SMNDC1: variants seen among roughly 807,000 people sequenced by gnomAD.
SMNDC1 encodes survival motor neuron domain containing 1.
SMNDC1 carries 5 observed loss-of-function variants against 29.2 expected under a neutral mutation model. That is an observed-to-expected ratio of 0.17 (90% confidence interval 0.09 to 0.36). SMNDC1 has a LOEUF of 0.36. Among genes scored for constraint, SMNDC1 ranks in the 10% least tolerant of loss-of-function variants. SMNDC1 has a pLI of 1.00. For synonymous variants in SMNDC1, 80 were observed against 89.9 expected (o/e 0.89, Z 0.62); for missense variants, 142 against 268.5 (o/e 0.53, Z 3.29).
intron 5 of SMNDC1, 109 bp from the exon 6 acceptor site, chr10:110,294,396 A>G: frequency 1.1e-6 from 1 of 914,812 alleles, no homozygotes; most frequent in East Asian, 3.0e-5. Flanking sequence ...TTAAAAGAAG[A>G]AAAACATATT....
At chr10:110,298,954 T>C (rs1487932911) in intron 2 of SMNDC1, 164 bp from the exon 3 acceptor site, 4 of 552,868 alleles carry the variant, frequency 7.2e-6, no homozygotes, top group Non-Finnish European at 1.3e-5. Flanking sequence ...ATGTAGAAAC[T>C]GATACAGTAT....
chr10:110,298,828 TA>T (rs1215658325), intron 2 of SMNDC1, 38 bp from the exon 3 acceptor site: 1 of 1,505,722 alleles, frequency 6.6e-7, no homozygotes, highest in African/African-American at 1.4e-5. Flanking sequence ...ATTATTTTTA[TA>T]ATTCTCATTG....
In SMNDC1 at chr10:110,303,645, AAACT is replaced by A. The variant is rs1053068842; in HGVS notation, c.1-62_1-59del. 2.0e-6 allele frequency: 3 copies of A among 1,520,952 alleles called. No individual in the cohort carries two copies. In the African/African-American group the frequency reaches 4.3e-5, roughly 22 times the overall value. 94.2% of individuals were successfully genotyped at this position (1,520,952 alleles called of 1,614,324 possible). ...ACTAAACCAAAAATCAAGGCATAAA[AAACT>A]AACTCCCCTGTCTGCCTGAATTACC... On this transcript the variant is annotated intron_variant, in intron 1 of 5. Coordinates refer to ENST00000369603, the MANE Select transcript of SMNDC1 (RefSeq NM_005871.4).
At chr10:110,304,145 A>G (rs1170525891) in intron 1 of SMNDC1, 1 of 152,322 alleles carries the variant, frequency 6.6e-6, no homozygotes, top group Non-Finnish European at 1.5e-5. Flanking sequence ...TCTTCAGCAA[A>G]AAGAACAGCA....
At position 110,291,860 on chromosome 10, in the gene SMNDC1, A is replaced by G; in HGVS notation, c.*2290T>C. Reference sequence around the variant, plus strand: ...AGGTTAGGACTGTTCTTTCCTTGAAATGGTAACAACAGTCAAACGTCAAGC... The same window carrying G: ...AGGTTAGGACTGTTCTTTCCTTGAAGTGGTAACAACAGTCAAACGTCAAGC... On this transcript the variant is annotated 3_prime_UTR_variant, in exon 6 of 6. Transcript: ENST00000369603. The G allele has an allele frequency of 6.6e-6, 1 of 152,196 alleles. No individual in the cohort carries two copies. Among genetic ancestry groups the G allele is most frequent in the East Asian group, 1.9e-4 (1 of 5,206 alleles). 9.4% of individuals were successfully genotyped at this position (152,196 alleles called of 1,614,324 possible). A position where few individuals can be genotyped will look rare whatever the true frequency, so the allele number is the denominator to read the frequency against.
chr10:110,301,413 T>A (rs1034996856), intron 2 of SMNDC1, among the ~76,000 whole-genome samples: 1 of 152,242 alleles, frequency 6.6e-6, no homozygotes, highest in African/African-American at 2.4e-5. Context: ...CAATTCAAAA[T>A]AGACCTTATC....
chr10:110,292,284 A>AAT lies in SMNDC1; in HGVS notation c.*1865_*1866insAT, dbSNP rs1554861494. 6.6e-6 allele frequency: 1 copy of AAT among 151,104 alleles called. No homozygotes were observed. The highest frequency in any genetic ancestry group is 1.9e-4 in the East Asian group (1 of 5,144). The allele number at this position is 151,104 out of a possible 1,614,324, so 9.4% of individuals were successfully genotyped here. A position where few individuals can be genotyped will look rare whatever the true frequency, so the allele number is the denominator to read the frequency against. On this transcript the variant is annotated 3_prime_UTR_variant, in exon 6 of 6. Transcript: ENST00000369603. The stretch of plus-strand genomic sequence containing the variant: ...CATTCTAAAGGTCTATTTTCAAAAC[A>AAT]TTTTTTTTTAAGGTCACTTTTATTC...
rs751157373 is a variant in SMNDC1, at chr10:110,303,457, C to T, written c.120+11G>A. On this transcript the variant is annotated intron_variant, in intron 2 of 5. Transcript: ENST00000369603. Reference sequence around the variant, plus strand: ...AACAGAGAAAAAGTACAATTGTCTACCCATACTTACTTGTAAATCTTTCTT... The same window carrying T: ...AACAGAGAAAAAGTACAATTGTCTATCCATACTTACTTGTAAATCTTTCTT... 2 of 1,568,602 alleles carry T rather than the reference C, an allele frequency of 1.3e-6. No individual in the cohort carries two copies. Among genetic ancestry groups the T allele is most frequent in the East Asian group, 2.3e-5 (1 of 42,648 alleles).
chr10:110,295,128 A>T, intron 5 of SMNDC1, 100 bp downstream of exon 5: 2 of 1,110,644 alleles, frequency 1.8e-6, no homozygotes, highest in Non-Finnish European at 2.6e-6. Context: ...AATCTGAGTT[A>T]ATCATACTTT....
In SMNDC1 at chr10:110,290,899, TAC is replaced by T. The variant is rs1857492128; in HGVS notation, c.*3249_*3250del. ...AAATTGTAATTATAAAATTACAATC[TAC>T]AGACACATGAGTCACACAACTACAG... On this transcript the variant is annotated 3_prime_UTR_variant, in exon 6 of 6. Coordinates refer to ENST00000369603, the MANE Select transcript of SMNDC1 (RefSeq NM_005871.4). 1 of 152,222 alleles carries T rather than the reference TAC, an allele frequency of 6.6e-6. No individual in the cohort carries two copies. Among genetic ancestry groups the T allele is most frequent in the Non-Finnish European group, 1.5e-5 (1 of 68,040 alleles). 9.4% of individuals were successfully genotyped at this position (152,222 alleles called of 1,614,324 possible). A position where few individuals can be genotyped will look rare whatever the true frequency, so the allele number is the denominator to read the frequency against.
rs1452181794 is a variant in SMNDC1, at chr10:110,293,902, G to A, written c.*248C>T. The A allele has an allele frequency of 3.3e-6, 1 of 301,248 alleles. No individual in the cohort carries two copies. Among genetic ancestry groups the A allele is most frequent in the Non-Finnish European group, 6.1e-6 (1 of 163,484 alleles). The allele number at this position is 301,248 out of a possible 1,614,324, so 18.7% of individuals were successfully genotyped here. On this transcript the variant is annotated 3_prime_UTR_variant, in exon 6 of 6. Transcript: ENST00000369603. Reference sequence around the variant, plus strand: ...TCAATAATTCATCTAAGTGCTGTATGAAACAGCATCTACAAAAGTTGCTTT... The same window carrying A: ...TCAATAATTCATCTAAGTGCTGTATAAAACAGCATCTACAAAAGTTGCTTT...
intron 4 of SMNDC1, 70 bp from the exon 5 acceptor site, chr10:110,295,451 G>C: frequency 7.9e-7 from 1 of 1,273,502 alleles, no homozygotes; most frequent in South Asian, 1.5e-5. Context: ...TGAAGACACC[G>C]GCAGTGCAAA....
At chr10:110,303,350 G>T in intron 2 of SMNDC1, 118 bp downstream of exon 2, 1 of 837,510 alleles carries the variant, frequency 1.2e-6, no homozygotes, top group Non-Finnish European at 1.8e-6. Context: ...GGTACCTACA[G>T]AATTTACATA....
rs1249752841 is a variant in SMNDC1, at chr10:110,293,992, C to CA, written c.*157dup. 1 of 545,224 alleles carries CA rather than the reference C, an allele frequency of 1.8e-6. No individual in the cohort carries two copies. Among genetic ancestry groups the CA allele is most frequent in the Non-Finnish European group, 3.1e-6 (1 of 325,858 alleles). The allele number at this position is 545,224 out of a possible 1,614,324, so 33.8% of individuals were successfully genotyped here. A position where few individuals can be genotyped will look rare whatever the true frequency, so the allele number is the denominator to read the frequency against. ...GAAAAGTTAAATGAATAGCAGTTAT[C>CA]AAATGCAATTTCTTCACGTTTCATT... On this transcript the variant is annotated 3_prime_UTR_variant, in exon 6 of 6. Coordinates refer to ENST00000369603, the MANE Select transcript of SMNDC1 (RefSeq NM_005871.4).
chr10:110,303,382 C>T, intron 2 of SMNDC1, 86 bp downstream of exon 2: 2 of 1,247,618 alleles, frequency 1.6e-6, no homozygotes, highest in South Asian at 1.6e-5. Flanking sequence ...TGGGGTGTAA[C>T]CCCTCAAAAG....
intron 1 of SMNDC1, chr10:110,304,209 CTCAG>C (rs1239328239): frequency 6.6e-6 from 1 of 152,266 alleles, no homozygotes; most frequent in Non-Finnish European, 1.5e-5. Flanking sequence ...CCAAATCCAG[CTCAG>C]TCATTTTCCT....
At chr10:110,300,720 G>A (rs994293271) in intron 2 of SMNDC1, 7 of 985,248 alleles carry the variant, frequency 7.1e-6, no homozygotes, top group South Asian at 9.4e-5. Flanking sequence ...AAGGCGTTTC[G>A]GGGATGCAGA....
At position 110,300,681 on chromosome 10, in the gene SMNDC1, G is replaced by T. The variant is rs546503652; in HGVS notation, c.121-1891C>A. The stretch of plus-strand genomic sequence containing the variant: ...TCTACATATCAGCAGGTCAAATGGG[G>T]TGCACTCAAGCACTCTGCTTACTGA... On this transcript the variant is annotated intron_variant, in intron 2 of 5. Transcript: ENST00000369603. 3 of 985,382 alleles carry T rather than the reference G, an allele frequency of 3.0e-6. No individual in the cohort carries two copies. The South Asian group carries it at 1.4e-4, about 46-fold the overall frequency. 61.0% of individuals were successfully genotyped at this position (985,382 alleles called of 1,614,324 possible).
chr10:110,294,098 T>C lies in SMNDC1; in HGVS notation c.*52A>G. 2 of 1,392,158 alleles carry C rather than the reference T, an allele frequency of 1.4e-6. No homozygotes were observed. The highest frequency in any genetic ancestry group is 5.3e-5 in the East Asian group (2 of 37,414). The allele number at this position is 1,392,158 out of a possible 1,614,324, so 86.2% of individuals were successfully genotyped here. A position where few individuals can be genotyped will look rare whatever the true frequency, so the allele number is the denominator to read the frequency against. On this transcript the variant is annotated 3_prime_UTR_variant, in exon 6 of 6. Coordinates refer to ENST00000369603, the MANE Select transcript of SMNDC1 (RefSeq NM_005871.4). Reference sequence around the variant, plus strand: ...ATTTACCTTTAGAAAAATATAAGGATAAAAAGGTAAATGTAAAGCCCTGCA... The same window carrying C: ...ATTTACCTTTAGAAAAATATAAGGACAAAAAGGTAAATGTAAAGCCCTGCA...
Sources: gnomAD v4.1 joint callset for allele counts (sites outside exome capture counted in the v4.1 genomes callset) on GRCh38, gnomAD v4.1.1 for gene constraint, MANE v1.5 for transcripts, NCBI Gene and HGNC (gene_info 2026-07-23, HGNC 2026-07-21) for gene names.